Variants in SMG6 observed in about 807,000 individuals in gnomAD.
SMG6 encodes the protein telomerase-binding protein EST1A.
A neutral mutation model predicts 142.2 loss-of-function variants in SMG6; 66 were observed. The observed-to-expected ratio is 0.46, with a 90% confidence interval of 0.38 to 0.57. SMG6 has a LOEUF of 0.57. Among genes scored for constraint, SMG6 ranks in the 20% least tolerant of loss-of-function variants. The pLI, the probability that SMG6 is intolerant of heterozygous loss-of-function variation, is 0.00. For synonymous variants in SMG6, 779 were observed against 702.4 expected, an observed-to-expected ratio of 1.11 and a Z score of -1.72; for missense variants, 1,793 against 1,832.0, an observed-to-expected ratio of 0.98 and a Z score of 0.39.
intron 13 of SMG6, among the ~76,000 whole-genome samples, chr17:2,120,336 G>A (rs1456078489): frequency 6.6e-6 from 1 of 152,102 alleles, no homozygotes; most frequent in African/African-American, 2.4e-5. Flanking sequence ...GAATACATAA[G>A]GAACTCAACA....
intron 6 of SMG6, among the ~76,000 whole-genome samples, chr17:2,288,975 A>G (rs1327565291): frequency 1.3e-5 from 2 of 149,332 alleles, no homozygotes; most frequent in African/African-American, 5.0e-5. Flanking sequence ...GCTACTCGGG[A>G]GGCTGAGGCA....
intron 10 of SMG6, among the ~76,000 whole-genome samples, chr17:2,195,285 A>T (rs1306073325): frequency 1.3e-5 from 2 of 152,192 alleles, no homozygotes; most frequent in Non-Finnish European, 2.9e-5. Flanking sequence ...CCTTCCCCTA[A>T]ATCTGTACAC....
At chr17:2,170,284 G>T (rs1295272299) in intron 13 of SMG6, among the ~76,000 whole-genome samples, 1 of 152,162 alleles carries the variant, frequency 6.6e-6, no homozygotes, top group Non-Finnish European at 1.5e-5. Flanking sequence ...TTCTCCTCGA[G>T]CCAAAACACA....
intron 4 of SMG6, among the ~76,000 whole-genome samples, chr17:2,295,273 A>G (rs931151621): frequency 1.3e-5 from 2 of 152,176 alleles, no homozygotes; most frequent in African/African-American, 4.8e-5. Context: ...TGCTCTCCCT[A>G]ATGCATCTCT....
intron 13 of SMG6, among the ~76,000 whole-genome samples, chr17:2,105,041 T>C (rs1001853874): frequency 2.7e-5 from 4 of 150,844 alleles, no homozygotes; most frequent in Non-Finnish European, 5.9e-5. Context: ...TTCAGCCTCC[T>C]GAACATCTAG....
chr17:2,290,607 G>T (rs1340903821), intron 6 of SMG6, among the ~76,000 whole-genome samples: 1 of 152,182 alleles, frequency 6.6e-6, no homozygotes, highest in African/African-American at 2.4e-5. Context: ...TGGTAAGATG[G>T]ATTTCACTAA....
chr17:2,135,513 G>C (rs535158704), intron 13 of SMG6, among the ~76,000 whole-genome samples: 7 of 152,188 alleles, frequency 4.6e-5, no homozygotes, highest in Non-Finnish European at 8.8e-5. Context: ...GTTATACTTA[G>C]TGACTTTATC....
At chr17:2,089,553 A>G (rs1332224409) in intron 13 of SMG6, 1 of 152,520 alleles carries the variant, frequency 6.6e-6, no homozygotes, top group Non-Finnish European at 1.5e-5. Flanking sequence ...AGCTGAAAGA[A>G]AGCCCCTTTC....
intron 13 of SMG6, among the ~76,000 whole-genome samples, chr17:2,119,898 G>A (rs572666866): frequency 3.9e-5 from 6 of 152,166 alleles, no homozygotes; most frequent in African/African-American, 7.2e-5. Context: ...TCCTGACCTC[G>A]CGATCCACCC....
At chr17:2,184,522 T>C (rs564060303) in intron 12 of SMG6, among the ~76,000 whole-genome samples, 73 of 150,960 alleles carry the variant, frequency 4.8e-4, no homozygotes, top group South Asian at 2.9e-3. Context: ...CTGGGTGTGG[T>C]AGCACATGCC....
chr17:2,143,931 G>C (rs979316959), intron 13 of SMG6, among the ~76,000 whole-genome samples: 6 of 151,876 alleles, frequency 4.0e-5, no homozygotes, highest in Non-Finnish European at 7.4e-5. Context: ...AATTTGATCA[G>C]TTTTGGCTGC....
At chr17:2,069,466 C>G (rs958878976) in intron 15 of SMG6, among the ~76,000 whole-genome samples, 11 of 151,550 alleles carry the variant, frequency 7.3e-5, no homozygotes, top group Non-Finnish European at 1.2e-4. Context: ...TGTGGTGGCA[C>G]ACGCCTGTGG....
chr17:2,248,975 C>A (rs532404143), intron 8 of SMG6, among the ~76,000 whole-genome samples: 42 of 152,102 alleles, frequency 2.8e-4, no homozygotes, highest in Non-Finnish European at 4.7e-4. Context: ...CAAGCTCCGC[C>A]TCCCGGGTTC....
chr17:2,102,766 G>C (rs2069046299), intron 13 of SMG6, among the ~76,000 whole-genome samples: 1 of 151,952 alleles, frequency 6.6e-6, no homozygotes, highest in African/African-American at 2.4e-5. Flanking sequence ...TTCTCCCATG[G>C]AACTGACGCT....
chr17:2,142,658 C>T (rs914306161), intron 13 of SMG6, among the ~76,000 whole-genome samples: 6 of 151,658 alleles, frequency 4.0e-5, no homozygotes, highest in South Asian at 2.1e-4. Context: ...CTGAGGTGGG[C>T]GGATCACCTG....
intron 13 of SMG6, chr17:2,127,414 T>A (rs564363860): frequency 1.3e-6 from 1 of 784,712 alleles, no homozygotes; most frequent in East Asian, 3.3e-5. Context: ...CCTCTTTAAA[T>A]AGACACTTTA....
In SMG6 at chr17:2,292,996, G is replaced by A. The variant is rs781585151; in HGVS notation, c.2152-19C>T. On this transcript the variant is annotated intron_variant, in intron 4 of 18. Transcript: ENST00000263073. ...ATTTTACCTTCAGGAAAAACAACCA[G>A]TTAGTAGAAAAGCCAAGAAACACTA... is the stretch of plus-strand genomic sequence containing the variant. The A allele has an allele frequency of 3.2e-6, 5 of 1,577,002 alleles. No homozygotes were observed. Among genetic ancestry groups the A allele is most frequent in the Non-Finnish European group, 4.4e-6 (5 of 1,146,432 alleles).
chr17:2,123,937 C>T (rs1597425303), intron 13 of SMG6, among the ~76,000 whole-genome samples: 1 of 152,216 alleles, frequency 6.6e-6, no homozygotes, highest in East Asian at 1.9e-4. Flanking sequence ...TTTAACACTG[C>T]CCCAGCAATC....
chr17:2,116,473 C>A lies in SMG6; in HGVS notation c.3358-30572G>T, dbSNP rs543958741. The stretch of plus-strand genomic sequence containing the variant: ...GCATGGTGGCTCACGCCTGTAATCC[C>A]AGCACTTTGGGAGGCTGAGGTGGGT... On this transcript the variant is annotated intron_variant, in intron 13 of 18. Transcript: ENST00000263073. Among the ~76,000 whole-genome samples, 50 of 152,314 alleles carry A rather than the reference C, an allele frequency of 3.3e-4. 1 individual carries two copies. The highest frequency in any genetic ancestry group is 2.7e-3 in the South Asian group (13 of 4,826).
Sources: allele counts gnomAD v4.1 joint callset (sites outside exome capture counted in the v4.1 genomes callset), GRCh38; gene constraint gnomAD v4.1.1; transcripts MANE v1.5; gene names NCBI Gene and HGNC (gene_info 2026-07-23, HGNC 2026-07-21).